ADAM12: variants seen among roughly 807,000 people sequenced by gnomAD.
The protein encoded by ADAM12 is ADAM metallopeptidase domain 12, also known as disintegrin and metalloproteinase domain-containing protein 12.
ADAM12 carries 70 observed loss-of-function variants against 106.4 expected under a neutral mutation model. That is an observed-to-expected ratio of 0.66 (90% confidence interval 0.54 to 0.80). The LOEUF (loss-of-function observed/expected upper bound fraction) is 0.80, where lower values mean the gene tolerates loss of function less well. ADAM12 is among the 30% of genes least tolerant of loss of function. The pLI, the probability that ADAM12 is intolerant of heterozygous loss-of-function variation, is 0.00. For missense variants in ADAM12, 1,010 were observed against 1,171.9 expected (o/e 0.86, Z 2.02); for synonymous variants, 420 against 433.5 (o/e 0.97, Z 0.39).
rs536456670 is a variant in ADAM12, at chr10:126,342,920, G to A, written c.89-12411C>T. On this transcript the variant is annotated intron_variant, in intron 1 of 22. Transcript: ENST00000448723. ...TGATGAGGGCTGGAGGGAGGGTGGA[G>A]GGGTGGGGCATGGGCAGGGTTCCCT... 2.3e-3 allele frequency among the ~76,000 whole-genome samples: 357 copies of A among 152,234 alleles called. 8 individuals carry two copies. The South Asian group carries it at 0.024, about 10-fold the overall frequency.
At chr10:126,380,741 C>T (rs1232974952) in intron 1 of ADAM12, among the ~76,000 whole-genome samples, 1 of 152,226 alleles carries the variant, frequency 6.6e-6, no homozygotes, top group Non-Finnish European at 1.5e-5. Flanking sequence ...AATTTCACTT[C>T]TCCAGCCCAG....
intron 3 of ADAM12, among the ~76,000 whole-genome samples, chr10:126,248,310 G>A (rs941033487): frequency 7.2e-5 from 11 of 152,098 alleles, no homozygotes; most frequent in African/African-American, 2.2e-4. Flanking sequence ...CAAGGCCCCC[G>A]CCCCTGATAT....
chr10:126,140,168 G>GT (rs1270798581), intron 4 of ADAM12, among the ~76,000 whole-genome samples: 1 of 152,118 alleles, frequency 6.6e-6, no homozygotes, highest in Admixed American at 6.5e-5. Flanking sequence ...GATCTTTGGG[G>GT]TCACATATGG....
At chr10:126,117,044 A>T (rs986843715) in intron 6 of ADAM12, among the ~76,000 whole-genome samples, 6 of 152,228 alleles carry the variant, frequency 3.9e-5, no homozygotes, top group Non-Finnish European at 8.8e-5. Flanking sequence ...GCGACATCCT[A>T]TCTATAAATT....
Position 126,289,775 on chromosome 10 carries a change from G to A in ADAM12, c.187-10787C>T, listed in dbSNP as rs554518522. On this transcript the variant is annotated intron_variant, in intron 2 of 22. Transcript: ENST00000448723. ...GAGGGGCCTCAGGCTAGAAGGCTACGGTCAGACGGCAGCTGTGGGCCATGG... is the reference window on the plus strand; with the variant it reads ...GAGGGGCCTCAGGCTAGAAGGCTACAGTCAGACGGCAGCTGTGGGCCATGG... Among the ~76,000 whole-genome samples, 8 of 152,302 alleles carry A rather than the reference G, an allele frequency of 5.3e-5. No individual in the cohort carries two copies. In the South Asian group the frequency reaches 1.0e-3, roughly 20 times the overall value.
At chr10:126,038,495 A>C (rs1190067376) in intron 19 of ADAM12, 146 bp from the exon 20 acceptor site, 2 of 572,616 alleles carry the variant, frequency 3.5e-6, no homozygotes, top group African/African-American at 1.9e-5. Flanking sequence ...ACCTAATAAC[A>C]CTCTTAGGAG....
At chr10:126,179,972 A>G (rs1957284329) in intron 3 of ADAM12, among the ~76,000 whole-genome samples, 1 of 152,190 alleles carries the variant, frequency 6.6e-6, no homozygotes, top group Non-Finnish European at 1.5e-5. Flanking sequence ...CAATTTTTAC[A>G]ATAAACCAAT....
intron 2 of ADAM12, among the ~76,000 whole-genome samples, chr10:126,279,296 G>A (rs759877493): frequency 1.3e-5 from 2 of 152,042 alleles, no homozygotes; most frequent in Non-Finnish European, 2.9e-5. Context: ...GCCAGGGGTG[G>A]TAGTTTGTGC....
At chr10:126,279,250 C>T (rs931455824) in intron 2 of ADAM12, among the ~76,000 whole-genome samples, 5 of 151,362 alleles carry the variant, frequency 3.3e-5, no homozygotes, top group Admixed American at 1.3e-4. Flanking sequence ...GACCCTATCT[C>T]TACAAAAAGT....
At chr10:126,041,873 C>G in intron 18 of ADAM12, 4 of 1,332,284 alleles carry the variant, frequency 3.0e-6, no homozygotes, top group Non-Finnish European at 3.8e-6. Context: ...ACCTGCTACT[C>G]TCTCAGGAGC....
At chr10:126,165,266 C>G (rs1957004291) in intron 3 of ADAM12, among the ~76,000 whole-genome samples, 1 of 152,168 alleles carries the variant, frequency 6.6e-6, no homozygotes, top group African/African-American at 2.4e-5. Context: ...CTCCCAAGCT[C>G]AGGCAATTCT....
intron 1 of ADAM12, among the ~76,000 whole-genome samples, chr10:126,372,679 A>C (rs1189827817): frequency 2.0e-5 from 3 of 152,310 alleles, no homozygotes; most frequent in Admixed American, 1.3e-4. Flanking sequence ...TTCTACTAGG[A>C]GCTTTTGTGC....
At chr10:126,255,105 C>G (rs948813011) in intron 3 of ADAM12, among the ~76,000 whole-genome samples, 1 of 152,194 alleles carries the variant, frequency 6.6e-6, no homozygotes, top group African/African-American at 2.4e-5. Context: ...GTGAGCCCAT[C>G]TGCTGACTTG....
chr10:126,306,655 T>C (rs1320256891), intron 2 of ADAM12, among the ~76,000 whole-genome samples: 2 of 152,224 alleles, frequency 1.3e-5, no homozygotes, highest in Admixed American at 6.5e-5. Context: ...GAATTCTGCA[T>C]TGGCAGTTTT....
chr10:126,203,932 G>A (rs573149182), intron 3 of ADAM12, among the ~76,000 whole-genome samples: 112 of 88,622 alleles, frequency 1.3e-3, no homozygotes, highest in African/African-American at 3.2e-3. Flanking sequence ...GTGAGTGCGC[G>A]CGCGCGCGTG....
At chr10:126,152,276 T>C (rs1956742019) in intron 4 of ADAM12, among the ~76,000 whole-genome samples, 1 of 152,084 alleles carries the variant, frequency 6.6e-6, no homozygotes, top group Non-Finnish European at 1.5e-5. Flanking sequence ...TAATCTTTAA[T>C]GCTTTTTTGT....
chr10:126,241,977 T>A (rs1231573368), intron 3 of ADAM12, among the ~76,000 whole-genome samples: 1 of 151,420 alleles, frequency 6.6e-6, no homozygotes, highest in East Asian at 1.9e-4. Flanking sequence ...TTTTTTTTTT[T>A]AACACATCAA....
chr10:126,154,121 A>C lies in ADAM12; in HGVS notation c.339+1106T>G, dbSNP rs769202449. 5.3e-4 allele frequency among the ~76,000 whole-genome samples: 81 copies of C among 151,982 alleles called. 1 individual carries two copies. The highest frequency in any genetic ancestry group is 8.4e-4 in the Non-Finnish European group (57 of 67,960). ...CAGGCGGTTACTTCTCTTTTTCCAA[A>C]CCCAAGCACCAGGCCCTCTTTCTGG... On this transcript the variant is annotated intron_variant, in intron 4 of 22. Transcript: ENST00000448723.
chr10:126,194,278 CA>C (rs35778124), intron 3 of ADAM12, among the ~76,000 whole-genome samples: 8,831 of 58,100 alleles, frequency 0.15, 282 homozygotes, highest in East Asian at 0.33. Context: ...TTCATATGCT[CA>C]AAAAAAAAAA....
Sources: allele counts gnomAD v4.1 joint callset (sites outside exome capture counted in the v4.1 genomes callset), GRCh38; gene constraint gnomAD v4.1.1; transcripts MANE v1.5; gene names NCBI Gene and HGNC (gene_info 2026-07-23, HGNC 2026-07-21).